LAMA2: variants seen among roughly 807,000 people sequenced by gnomAD.
LAMA2 encodes the protein laminin subunit alpha 2, also known as laminin subunit alpha-2.
Under a neutral mutation model 364.8 loss-of-function variants are expected in LAMA2, and 269 were observed. The ratio of observed to expected loss-of-function variants is 0.74; its 90% CI spans 0.67 to 0.82. The LOEUF (loss-of-function observed/expected upper bound fraction) is 0.82. Among genes scored for constraint, LAMA2 ranks in the 40% least tolerant of loss-of-function variants. The pLI is 0.00. For missense variants in LAMA2, 3,807 were observed against 3,873.2 expected (o/e 0.98, Z 0.45); for synonymous variants, 1,379 against 1,370.6 (o/e 1.01, Z -0.14).
At position 129,048,458 on chromosome 6, in the gene LAMA2, T is replaced by G. The variant is rs1282130179; in HGVS notation, c.113-1460T>G. 1.6e-3 allele frequency among the ~76,000 whole-genome samples: 75 copies of G among 47,530 alleles called. 1 individual carries two copies. The highest frequency in any genetic ancestry group is 5.2e-3 in the African/African-American group (72 of 13,886). 31.2% of individuals were successfully genotyped at this position (47,530 alleles called of 152,430 possible). ...TTTTTTCTTTTCTTTCTTTCTTTCT[T>G]TCTTTCTTTCTTTCTTTCTTTCTTT... On this transcript the variant is annotated intron_variant, in intron 1 of 64. Coordinates refer to ENST00000421865, the MANE Select transcript of LAMA2 (RefSeq NM_000426.4).
At chr6:129,261,823 T>C (rs750662119) in intron 15 of LAMA2, among the ~76,000 whole-genome samples, 7 of 152,102 alleles carry the variant, frequency 4.6e-5, no homozygotes, top group Non-Finnish European at 1.0e-4. Context: ...TAAAACTAGA[T>C]ATAACTTATA....
intron 12 of LAMA2, among the ~76,000 whole-genome samples, chr6:129,240,247 A>C (rs1378293747): frequency 1.3e-5 from 2 of 152,174 alleles, no homozygotes; most frequent in Admixed American, 1.3e-4. Flanking sequence ...ACCCAGAATG[A>C]GGGTGGTTCT....
At chr6:129,224,984 G>A (rs1468311258) in intron 12 of LAMA2, among the ~76,000 whole-genome samples, 3 of 152,118 alleles carry the variant, frequency 2.0e-5, no homozygotes, top group Non-Finnish European at 4.4e-5. Flanking sequence ...TGGTTGGTAG[G>A]CTATTAATTA....
chr6:129,264,386 G>T (rs9483006), intron 15 of LAMA2, among the ~76,000 whole-genome samples: 26,277 of 151,562 alleles, frequency 0.17, 2,477 homozygotes, highest in African/African-American at 0.24. Context: ...TGGTGTGTGT[G>T]GGGGGGTGGG....
intron 1 of LAMA2, among the ~76,000 whole-genome samples, chr6:128,954,325 T>C (rs2114576180): frequency 6.6e-6 from 1 of 152,180 alleles, no homozygotes; most frequent in African/African-American, 2.4e-5. Flanking sequence ...ATATCTATAG[T>C]CCCACTAGCA....
chr6:129,489,706 TTTC>T (rs2114854896), intron 56 of LAMA2, among the ~76,000 whole-genome samples: 1 of 152,322 alleles, frequency 6.6e-6, no homozygotes, highest in East Asian at 1.9e-4. Flanking sequence ...AAATATTTTC[TTTC>T]TTAACATCCA....
intron 56 of LAMA2, among the ~76,000 whole-genome samples, chr6:129,489,834 T>TA (rs1346119126): frequency 2.0e-5 from 3 of 151,650 alleles, no homozygotes; most frequent in Admixed American, 1.3e-4. Flanking sequence ...GATATGGTTT[T>TA]AAAAAAAATC....
At chr6:129,381,627 A>G (rs1484769780) in intron 34 of LAMA2, among the ~76,000 whole-genome samples, 1 of 152,202 alleles carries the variant, frequency 6.6e-6, no homozygotes, top group East Asian at 1.9e-4. Context: ...CAGAAAAGCA[A>G]GGATTTGAGT....
chr6:129,264,520 G>A (rs1239831180), intron 15 of LAMA2, among the ~76,000 whole-genome samples: 1 of 152,052 alleles, frequency 6.6e-6, no homozygotes, highest in East Asian at 1.9e-4. Context: ...CTAGAGATAT[G>A]TTTTTGGAAG....
intron 28 of LAMA2, among the ~76,000 whole-genome samples, chr6:129,327,811 A>T (rs1775391885): frequency 6.6e-6 from 1 of 152,180 alleles, no homozygotes; most frequent in African/African-American, 2.4e-5. Flanking sequence ...TCTTACTTTT[A>T]TAGTCTTTAA....
intron 4 of LAMA2, among the ~76,000 whole-genome samples, chr6:129,135,126 A>T (rs1777708043): frequency 6.6e-6 from 1 of 152,232 alleles, no homozygotes; most frequent in Admixed American, 6.5e-5. Flanking sequence ...TCATGAAGAA[A>T]AGCCAAGATC....
intron 29 of LAMA2, among the ~76,000 whole-genome samples, chr6:129,329,563 T>C (rs911927316): frequency 6.6e-6 from 1 of 152,106 alleles, no homozygotes; most frequent in Admixed American, 6.5e-5. Context: ...GGTTTCACCA[T>C]GTTGTCTAGG....
intron 29 of LAMA2, among the ~76,000 whole-genome samples, chr6:129,334,331 A>T (rs1775825186): frequency 6.6e-6 from 1 of 152,170 alleles, no homozygotes; most frequent in South Asian, 2.1e-4. Flanking sequence ...AACCTGAATG[A>T]GGTCTTAGTT....
intron 1 of LAMA2, among the ~76,000 whole-genome samples, chr6:128,932,923 C>T (rs143147948): frequency 1.8e-3 from 279 of 152,212 alleles, no homozygotes; most frequent in Non-Finnish European, 3.2e-3. Context: ...AGTTACTATT[C>T]TGTACATTAG....
chr6:129,067,095 GATA>G (rs1789411964), intron 3 of LAMA2, among the ~76,000 whole-genome samples: 1 of 152,132 alleles, frequency 6.6e-6, no homozygotes, highest in African/African-American at 2.4e-5. Context: ...AACACATCTG[GATA>G]ACCAGGGAAA....
At chr6:129,349,267 T>A in intron 30 of LAMA2, 31 bp from the exon 31 acceptor site, 1 of 1,566,142 alleles carries the variant, frequency 6.4e-7, no homozygotes, top group South Asian at 1.1e-5. Context: ...TGGATTAAAC[T>A]TTTTTTGCAA....
intron 1 of LAMA2, chr6:128,929,630 C>G (rs2114510757): frequency 7.1e-7 from 1 of 1,406,648 alleles, no homozygotes; most frequent in Non-Finnish European, 1.0e-6. Flanking sequence ...CTGACCTGCT[C>G]AAATATGGAA....
chr6:128,979,385 A>G (rs1010079421), intron 1 of LAMA2, among the ~76,000 whole-genome samples: 3 of 152,160 alleles, frequency 2.0e-5, no homozygotes, highest in African/African-American at 4.8e-5. Flanking sequence ...TACTTTAGAC[A>G]TTGAAAATCG....
At chr6:129,060,712 C>A (rs1788847601) in intron 3 of LAMA2, among the ~76,000 whole-genome samples, 1 of 152,172 alleles carries the variant, frequency 6.6e-6, no homozygotes, top group African/African-American at 2.4e-5. Context: ...AGCCAGTGGG[C>A]CAGATCAGCA....
Sources: allele counts gnomAD v4.1 joint callset (sites outside exome capture counted in the v4.1 genomes callset), GRCh38; gene constraint gnomAD v4.1.1; transcripts MANE v1.5; gene names NCBI Gene and HGNC (gene_info 2026-07-23, HGNC 2026-07-21).